Variants in RGS7 observed in about 807,000 individuals in gnomAD.
RGS7 encodes the protein regulator of G protein signaling 7, also known as regulator of G-protein signaling 7.
In RGS7, 27 loss-of-function variants were observed where a neutral mutation model predicts 81.1. The observed-to-expected ratio is 0.33, with a 90% CI of 0.25 to 0.46. The LOEUF is 0.46. Among genes scored for constraint, RGS7 ranks in the 20% least tolerant of loss-of-function variants. RGS7 has a pLI of 1.00. For synonymous variants in RGS7, 208 were observed against 207.7 expected, an observed-to-expected ratio of 1.00 and a Z score of -0.01; for missense variants, 396 against 607.4, an observed-to-expected ratio of 0.65 and a Z score of 3.66.
chr1:241,235,624 TTC>T (rs927736013), intron 2 of RGS7, among the ~76,000 whole-genome samples: 4 of 137,460 alleles, frequency 2.9e-5, no homozygotes, highest in South Asian at 2.5e-4. Context: ...CCTTTCCCTT[TTC>T]TCTCTTTTTT....
chr1:240,895,512 C>T (rs1192173956), intron 6 of RGS7, among the ~76,000 whole-genome samples: 1 of 152,016 alleles, frequency 6.6e-6, no homozygotes, highest in Non-Finnish European at 1.5e-5. Flanking sequence ...TGTTCAATTC[C>T]CACCTATGAG....
intron 6 of RGS7, among the ~76,000 whole-genome samples, chr1:240,919,042 T>C (rs1051906794): frequency 2.6e-5 from 4 of 152,042 alleles, no homozygotes; most frequent in Non-Finnish European, 4.4e-5. Flanking sequence ...CTAGGAGAAA[T>C]AGATAATCTA....
chr1:240,832,594 T>C (rs370379250), intron 9 of RGS7, among the ~76,000 whole-genome samples: 1 of 152,210 alleles, frequency 6.6e-6, no homozygotes, highest in African/African-American at 2.4e-5. Flanking sequence ...GTTCCTTTCA[T>C]GCGATAGTAC....
At chr1:241,251,056 G>A (rs1008930788) in intron 2 of RGS7, among the ~76,000 whole-genome samples, 5 of 152,102 alleles carry the variant, frequency 3.3e-5, no homozygotes, top group East Asian at 3.9e-4. Flanking sequence ...CATCTTTCAC[G>A]GCATATTTTC....
chr1:241,199,194 C>A (rs1321153157), intron 2 of RGS7, among the ~76,000 whole-genome samples: 2 of 152,072 alleles, frequency 1.3e-5, no homozygotes, highest in African/African-American at 2.4e-5. Context: ...GCCGGTCTCA[C>A]GCCTGTAATC....
At chr1:240,941,247 T>C (rs1677529653) in intron 4 of RGS7, among the ~76,000 whole-genome samples, 1 of 152,214 alleles carries the variant, frequency 6.6e-6, no homozygotes, top group South Asian at 2.1e-4. Context: ...AGAGGACTGA[T>C]CTTCTCACAA....
chr1:240,881,464 C>T (rs1033089826), intron 6 of RGS7, among the ~76,000 whole-genome samples: 8 of 152,034 alleles, frequency 5.3e-5, no homozygotes. Context: ...CAAACCTGCA[C>T]GTTGTGCACA....
At chr1:241,073,349 T>A (rs115187173) in intron 3 of RGS7, among the ~76,000 whole-genome samples, 4,695 of 152,076 alleles carry the variant, frequency 0.031, 235 homozygotes, top group African/African-American at 0.11. Context: ...CCAGCACAGG[T>A]GGGTGGAATA....
At chr1:241,015,201 A>G (rs1470471107) in intron 3 of RGS7, among the ~76,000 whole-genome samples, 1 of 152,224 alleles carries the variant, frequency 6.6e-6, no homozygotes, top group Non-Finnish European at 1.5e-5. Flanking sequence ...ATCCTTTGGA[A>G]GCTGAGAAAT....
rs1378279927 is a variant in RGS7 at position 241,098,777 on chromosome 1, CAT to C, written c.79-17_79-16del. 6.4e-7 allele frequency: 1 copy of C among 1,570,392 alleles called. No homozygotes were observed. Among genetic ancestry groups the C allele is most frequent in the East Asian group, 2.2e-5 (1 of 44,648 alleles). The stretch of plus-strand genomic sequence containing the variant: ...ACGTCTTCCATCTAAACAATAATAA[CAT>C]AATTAAAACCTTTATAAAGTTGAAC... On this transcript the variant is annotated splice_polypyrimidine_tract_variant and intron_variant, in intron 2 of 18. Coordinates refer to ENST00000440928, the MANE Select transcript of RGS7 (RefSeq NM_001364886.1).
intron 3 of RGS7, among the ~76,000 whole-genome samples, chr1:240,994,790 A>C (rs930714009): frequency 4.6e-5 from 7 of 152,038 alleles, no homozygotes; most frequent in African/African-American, 1.7e-4. Flanking sequence ...TATTATTATT[A>C]CTATTATTAT....
At chr1:240,817,663 C>T (rs920066514) in intron 10 of RGS7, among the ~76,000 whole-genome samples, 71 of 152,102 alleles carry the variant, frequency 4.7e-4, no homozygotes, top group Middle Eastern at 6.8e-3. Flanking sequence ...AGTGCAGTGG[C>T]GTAATCTTGG....
chr1:240,975,888 T>G (rs1683994842), intron 4 of RGS7, among the ~76,000 whole-genome samples: 1 of 152,098 alleles, frequency 6.6e-6, no homozygotes, highest in Admixed American at 6.6e-5. Context: ...ATGGCCCCAA[T>G]TTGCTCACAC....
chr1:241,318,437 C>A (rs2081014582), intron 2 of RGS7, among the ~76,000 whole-genome samples: 1 of 151,884 alleles, frequency 6.6e-6, no homozygotes, highest in Non-Finnish European at 1.5e-5. Flanking sequence ...AGGCTTCTAT[C>A]CTGAGAAATT....
intron 3 of RGS7, among the ~76,000 whole-genome samples, chr1:241,028,242 G>A (rs923833093): frequency 6.6e-6 from 1 of 152,216 alleles, no homozygotes; most frequent in Non-Finnish European, 1.5e-5. Context: ...GATGCCGATG[G>A]ATAGAGTTTT....
At chr1:241,182,454 G>A (rs1047628743) in intron 2 of RGS7, among the ~76,000 whole-genome samples, 9 of 152,070 alleles carry the variant, frequency 5.9e-5, no homozygotes, top group African/African-American at 1.9e-4. Context: ...CCCCAGCTCC[G>A]TCAATGTTAG....
At chr1:240,980,673 T>A (rs193009769) in intron 4 of RGS7, among the ~76,000 whole-genome samples, 300 of 152,338 alleles carry the variant, frequency 2.0e-3, no homozygotes, top group African/African-American at 6.6e-3. Flanking sequence ...GGGATCAGAA[T>A]AGCCACCAGA....
intron 2 of RGS7, among the ~76,000 whole-genome samples, chr1:241,100,890 C>T (rs1375249638): frequency 6.6e-6 from 1 of 152,182 alleles, no homozygotes; most frequent in Admixed American, 6.5e-5. Flanking sequence ...ATCCCCTTGC[C>T]TTGTCTCTGC....
intron 4 of RGS7, among the ~76,000 whole-genome samples, chr1:240,958,864 G>A (rs1680879383): frequency 6.6e-6 from 1 of 152,114 alleles, no homozygotes. Flanking sequence ...TCCCTCCAAT[G>A]AGCCCTAAAT....
Sources: allele counts gnomAD v4.1 joint callset (sites outside exome capture counted in the v4.1 genomes callset), GRCh38; gene constraint gnomAD v4.1.1; transcripts MANE v1.5; gene names NCBI Gene and HGNC (gene_info 2026-07-23, HGNC 2026-07-21).